The following CPM variants were observed in gnomAD, a reference collection of about 807,000 sequenced individuals.
CPM encodes carboxypeptidase M.
A neutral mutation model predicts 46.4 loss-of-function variants in CPM; 35 were observed. That is an observed-to-expected ratio of 0.75 (90% CI 0.58 to 1.00). The LOEUF (loss-of-function observed/expected upper bound fraction) is 1.00. CPM is among the 50% of genes least tolerant of loss of function. CPM has a pLI of 0.00. For missense variants in CPM, 422 were observed against 530.4 expected (o/e 0.80, Z 2.01); for synonymous variants, 195 against 195.3 (o/e 1.00, Z 0.01).
chr12:68,846,229 A>T (rs1489128629), downstream of CPM: 6 of 152,144 alleles, frequency 3.9e-5, no homozygotes, highest in African/African-American at 1.5e-4. Flanking sequence ...CTGGGATTAC[A>T]GGCGTGAGCC....
In CPM at chr12:68,938,807, T is replaced by TAC. The variant is rs745482830; in HGVS notation, c.-3-5969_-3-5968dup. On this transcript the variant is annotated intron_variant, in intron 1 of 8. Transcript: ENST00000546373. ...AAAGACATGAGAAAATATGTGTGTA[T>TAC]ACACACACACACACACGTATATCTA... Among the ~76,000 whole-genome samples, 1,358 of 149,814 alleles carry TAC rather than the reference T, an allele frequency of 9.1e-3. 11 individuals are homozygous for TAC. Among genetic ancestry groups the TAC allele is most frequent in the African/African-American group, 0.017 (684 of 41,038 alleles).
intron 1 of CPM, among the ~76,000 whole-genome samples, chr12:68,955,726 C>T (rs1889005535): frequency 6.6e-6 from 1 of 152,008 alleles, no homozygotes; most frequent in Non-Finnish European, 1.5e-5. Context: ...TCTGTGCAGC[C>T]CTCAGCTGAG....
At chr12:68,961,151 T>A (rs986266569) in intron 1 of CPM, among the ~76,000 whole-genome samples, 1 of 152,128 alleles carries the variant, frequency 6.6e-6, no homozygotes, top group African/African-American at 2.4e-5. Context: ...CCTATAGTCT[T>A]AAAAAAATTT....
At chr12:68,960,184 T>C (rs7135067) in intron 1 of CPM, among the ~76,000 whole-genome samples, 33 of 152,328 alleles carry the variant, frequency 2.2e-4, no homozygotes, top group African/African-American at 7.9e-4. Flanking sequence ...GCACAAGTGA[T>C]TCATTCTTTG....
chr12:68,897,806 C>CT (rs1236178046), intron 2 of CPM, among the ~76,000 whole-genome samples: 2 of 148,702 alleles, frequency 1.3e-5, no homozygotes, highest in Admixed American at 6.7e-5. Context: ...TTTGAGGTTT[C>CT]TTTTTTTACA....
At chr12:68,880,497 C>A (rs139105463) in intron 3 of CPM, among the ~76,000 whole-genome samples, 96 of 152,294 alleles carry the variant, frequency 6.3e-4, no homozygotes, top group African/African-American at 2.2e-3. Flanking sequence ...AATCCTCTCA[C>A]CAAATGGTGC....
chr12:68,872,292 A>C (rs1208308035), intron 3 of CPM, among the ~76,000 whole-genome samples: 1 of 123,306 alleles, frequency 8.1e-6, no homozygotes, highest in Non-Finnish European at 1.6e-5. Context: ...CAACTCCGTC[A>C]CCCAGGCTGG....
At chr12:68,924,073 G>T (rs985215961) in intron 2 of CPM, among the ~76,000 whole-genome samples, 2 of 151,380 alleles carry the variant, frequency 1.3e-5, no homozygotes, top group African/African-American at 4.9e-5. Flanking sequence ...GCTACGGGAG[G>T]CTGAGGCAGG....
At chr12:68,888,951 A>C (rs7974631) in intron 2 of CPM, among the ~76,000 whole-genome samples, 12 of 152,098 alleles carry the variant, frequency 7.9e-5, no homozygotes, top group African/African-American at 2.9e-4. Context: ...CAGGAGAAAG[A>C]AGAAGGAGAA....
intron 1 of CPM, among the ~76,000 whole-genome samples, chr12:68,949,985 A>G (rs1888909102): frequency 6.6e-6 from 1 of 151,978 alleles, no homozygotes; most frequent in Admixed American, 6.6e-5. Flanking sequence ...GCATTGGGCG[A>G]ATGAAGATTA....
rs766295884 is a variant in CPM at position 68,858,901 on chromosome 12, A to T, written c.1089+22T>A. ...TGAGTTCTATAATATTTTAATAACA[A>T]TAACTAGCATTGCATACTTACATTT... On this transcript the variant is annotated intron_variant, in intron 8 of 8. Coordinates refer to ENST00000551568, the MANE Select transcript of CPM (RefSeq NM_198320.5). 4 of 1,374,018 alleles carry T rather than the reference A, an allele frequency of 2.9e-6. No individual in the cohort carries two copies. In the Admixed American group the frequency reaches 7.8e-5, roughly 27 times the overall value. 85.1% of individuals were successfully genotyped at this position (1,374,018 alleles called of 1,614,324 possible). A position where few individuals can be genotyped will look rare whatever the true frequency, so the allele number is the denominator to read the frequency against.
intron 5 of CPM, 52 bp from the exon 6 acceptor site, chr12:68,869,547 A>C (rs751026451): frequency 6.7e-7 from 1 of 1,488,266 alleles, no homozygotes. Context: ...GAGTAAGAGG[A>C]AACACAAACA....
chr12:68,891,141 T>C (rs1249351117), intron 2 of CPM, among the ~76,000 whole-genome samples: 2 of 152,260 alleles, frequency 1.3e-5, no homozygotes, highest in Non-Finnish European at 2.9e-5. Flanking sequence ...GTTCCTTTTA[T>C]CTTCCCTAAC....
upstream of CPM, among the ~76,000 whole-genome samples, chr12:68,933,361 C>T (rs1180670514): frequency 2.0e-5 from 3 of 151,958 alleles, no homozygotes; most frequent in Non-Finnish European, 4.4e-5. Flanking sequence ...GCTGCTGGTG[C>T]CCGCGGCCGG....
chr12:68,866,393 G>T (rs943401035), intron 7 of CPM, among the ~76,000 whole-genome samples: 2 of 152,118 alleles, frequency 1.3e-5, no homozygotes, highest in African/African-American at 2.4e-5. Context: ...GAGTACATTG[G>T]CACCATCTTG....
chr12:68,872,026 C>A, intron 3 of CPM, 70 bp from the exon 4 acceptor site: 2 of 1,504,954 alleles, frequency 1.3e-6, no homozygotes, highest in Non-Finnish European at 1.8e-6. Flanking sequence ...CCCTACGGTA[C>A]AAATTCCCCA....
chr12:68,944,562 C>A (rs933020813), intron 1 of CPM, among the ~76,000 whole-genome samples: 2 of 152,070 alleles, frequency 1.3e-5, no homozygotes, highest in Admixed American at 6.6e-5. Context: ...TGCCACAACA[C>A]CCAGATAATT....
intron 2 of CPM, among the ~76,000 whole-genome samples, chr12:68,922,986 G>T (rs570048682): frequency 6.6e-6 from 1 of 152,192 alleles, no homozygotes; most frequent in Non-Finnish European, 1.5e-5. Flanking sequence ...GCTGTTCACA[G>T]GTGCGATCAT....
intron 1 of CPM, among the ~76,000 whole-genome samples, chr12:68,951,225 T>C (rs905949049): frequency 2.0e-5 from 3 of 152,214 alleles, no homozygotes; most frequent in Admixed American, 6.5e-5. Flanking sequence ...TGTTGTGATA[T>C]AATAAATAAA....
Sources: gnomAD v4.1 joint callset for allele counts (sites outside exome capture counted in the v4.1 genomes callset) on GRCh38, gnomAD v4.1.1 for gene constraint, MANE v1.5 for transcripts, NCBI Gene and HGNC (gene_info 2026-07-23, HGNC 2026-07-21) for gene names.